The following LARP1 variants were observed in gnomAD, a reference collection of about 807,000 sequenced individuals.
The protein encoded by LARP1 is La ribonucleoprotein 1, translational regulator.
Under a neutral mutation model 122.7 loss-of-function variants are expected in LARP1, and 36 were observed. The ratio of observed to expected loss-of-function variants is 0.29; its 90% confidence interval spans 0.22 to 0.39. The LOEUF is 0.39. Among genes scored for constraint, LARP1 ranks in the 10% least tolerant of loss-of-function variants. LARP1 has a pLI of 1.00. For synonymous variants in LARP1, 539 were observed against 528.7 expected, an observed-to-expected ratio of 1.02 and a Z score of -0.27; for missense variants, 1,040 against 1,403.6, an observed-to-expected ratio of 0.74 and a Z score of 4.14.
At chr5:154,787,530 A>G (rs979166321) in intron 1 of LARP1, among the ~76,000 whole-genome samples, 4 of 152,216 alleles carry the variant, frequency 2.6e-5, no homozygotes, top group African/African-American at 9.6e-5. Flanking sequence ...GCAGGGCCTG[A>G]CAGCAGCTCA....
intron 1 of LARP1, among the ~76,000 whole-genome samples, chr5:154,779,487 ACC>A (rs1756223348): frequency 7.1e-6 from 1 of 139,892 alleles, no homozygotes; most frequent in Admixed American, 7.3e-5. Context: ...TAGGGGTCGG[ACC>A]CCCTCTACAT....
intron 1 of LARP1, among the ~76,000 whole-genome samples, chr5:154,734,832 C>T (rs1168491732): frequency 1.3e-5 from 2 of 152,172 alleles, no homozygotes; most frequent in Non-Finnish European, 2.9e-5. Flanking sequence ...CCTTTTCCCG[C>T]TCCCTCCAGG....
intron 3 of LARP1, chr5:154,792,145 C>G: frequency 2.9e-6 from 1 of 344,856 alleles, no homozygotes. Context: ...ATAAAATTCT[C>G]TTGGGGCCTA....
At chr5:154,713,607 G>T (rs1755334391) in intron 1 of LARP1, among the ~76,000 whole-genome samples, 1 of 152,092 alleles carries the variant, frequency 6.6e-6, no homozygotes, top group South Asian at 2.1e-4. Flanking sequence ...GAGCATTTGT[G>T]AGTAATTTCC....
intron 1 of LARP1, among the ~76,000 whole-genome samples, chr5:154,695,612 G>A (rs952171741): frequency 3.3e-5 from 5 of 152,068 alleles, no homozygotes; most frequent in African/African-American, 1.2e-4. Context: ...AGCCAAGATC[G>A]TGCCACTGCA....
intron 1 of LARP1, among the ~76,000 whole-genome samples, chr5:154,765,361 C>T (rs1478708227): frequency 6.6e-6 from 1 of 152,104 alleles, no homozygotes; most frequent in Non-Finnish European, 1.5e-5. Flanking sequence ...TCCCTCTTAC[C>T]CTGCTTCATT....
At chr5:154,692,736 C>G (rs1369316567) in intron 1 of LARP1, among the ~76,000 whole-genome samples, 1 of 152,126 alleles carries the variant, frequency 6.6e-6, no homozygotes, top group Admixed American at 6.6e-5. Flanking sequence ...TGCCTCCTGC[C>G]AACCTCAAAG....
chr5:154,775,622 C>T (rs1755811621), intron 1 of LARP1, among the ~76,000 whole-genome samples: 1 of 152,120 alleles, frequency 6.6e-6, no homozygotes, highest in African/African-American at 2.4e-5. Flanking sequence ...ACTGTTTTTA[C>T]TCACATCATT....
At chr5:154,724,037 T>C (rs1756050680) in intron 1 of LARP1, among the ~76,000 whole-genome samples, 1 of 152,208 alleles carries the variant, frequency 6.6e-6, no homozygotes, top group South Asian at 2.1e-4. Flanking sequence ...AGTGAGTATT[T>C]TGAATCCTGC....
At chr5:154,712,900 T>A (rs752132540) in exon 1 of LARP1, 1 of 1,598,162 alleles carries the variant, frequency 6.3e-7, no homozygotes, top group Non-Finnish European at 8.6e-7. Flanking sequence ...CAGGGCCACA[T>A]AGTGACCCCA....
At chr5:154,683,140 G>T (rs1246278559) in intron 1 of LARP1, among the ~76,000 whole-genome samples, 1 of 152,224 alleles carries the variant, frequency 6.6e-6, no homozygotes, top group African/African-American at 2.4e-5. Flanking sequence ...GGCCCGGGCC[G>T]CGGTGGGGGA....
In LARP1 at chr5:154,690,372, CTAA is replaced by C. The variant is rs200942521; in HGVS notation, c.-180+7345_-180+7347del. Among the ~76,000 whole-genome samples the C allele has an allele frequency of 6.5e-3, 989 of 152,254 alleles. 15 individuals carry two copies. Among genetic ancestry groups the C allele is most frequent in the African/African-American group, 0.022 (920 of 41,560 alleles). On this transcript the variant is annotated intron_variant, in intron 1 of 18. Transcript: ENST00000687700. ...GCACCCAACCCTACTGACTCCCGGG[CTAA>C]TAATAATAACTGGCCTTTGTCGTGC...
At chr5:154,716,368 G>A (rs747651153) in intron 1 of LARP1, among the ~76,000 whole-genome samples, 3 of 152,060 alleles carry the variant, frequency 2.0e-5, no homozygotes, top group African/African-American at 4.8e-5. Context: ...TGATCTGCCC[G>A]CCTCAGCCTC....
Position 154,799,945 on chromosome 5 carries a change from C to T in LARP1, c.1619C>T (p.Thr540Ile), listed in dbSNP as rs752635141. The change falls in exon 10 of 19, where the codon ACA becomes ATA. Residue 540 changes from threonine to isoleucine, a missense_variant. By Grantham distance (89) the Thr-to-Ile change is moderately conservative. Around this residue, in one of 8 missense-constraint regions of LARP1, gnomAD observed 362 missense variants for 533.1 expected, o/e 0.68. Coordinates refer to ENST00000518297, the MANE Select transcript of LARP1 (RefSeq NM_033551.3). ...TKTEEVSNLK[T>I]LPKGLSASLP... The stretch of plus-strand genomic sequence containing the variant: ...ACAGAGGAGGTCAGCAACCTAAAGA[C>T]ACTACCCAAGGGCCTGTCTGCCAGC... 3.7e-6 allele frequency: 6 copies of T among 1,614,210 alleles called. No individual in the cohort carries two copies. The Admixed American group carries it at 6.7e-5, about 18-fold the overall frequency.
Position 154,803,287 on chromosome 5 carries a change from C to T in LARP1, c.2110-3C>T. ...TTCCCCACTCATCTCATGACCTCTG[C>T]AGCAAGAAGTCGAGAACTTCAAAAA... On this transcript the variant is annotated splice_polypyrimidine_tract_variant and splice_region_variant and intron_variant, in intron 11 of 18. Coordinates refer to ENST00000518297, the MANE Select transcript of LARP1 (RefSeq NM_033551.3). The surrounding 1 kb of genome is among the most constrained non-coding windows in gnomAD (Gnocchi z 4.4). The T allele has an allele frequency of 6.2e-7, 1 of 1,614,186 alleles. No individual in the cohort carries two copies. Among genetic ancestry groups the T allele is most frequent in the Non-Finnish European group, 8.5e-7 (1 of 1,180,040 alleles).
chr5:154,716,717 G>A (rs1256265160), intron 1 of LARP1, among the ~76,000 whole-genome samples: 1 of 152,120 alleles, frequency 6.6e-6, no homozygotes, highest in Non-Finnish European at 1.5e-5. Context: ...CCAAAGTGTT[G>A]GGATTACAGG....
At chr5:154,799,266 C>T (rs1265458961) in intron 8 of LARP1, among the ~76,000 whole-genome samples, 1 of 152,166 alleles carries the variant, frequency 6.6e-6, no homozygotes, top group Non-Finnish European at 1.5e-5. Flanking sequence ...TCTTTTTCTA[C>T]TCTAGTTTTA....
chr5:154,786,024 C>T (rs1010896438), intron 1 of LARP1, among the ~76,000 whole-genome samples: 1 of 152,158 alleles, frequency 6.6e-6, no homozygotes, highest in Non-Finnish European at 1.5e-5. Context: ...TTGCTTCTTG[C>T]ACATAGCAAT....
rs907825867 is a variant in LARP1, at chr5:154,763,021, C to G, written c.436+6828C>G. Reference sequence around the variant, plus strand: ...TTACTGCATTTACTGAGTGTCTCACCTGTTCTAGCCCAAGTGATCTGCTGA... The same window carrying G: ...TTACTGCATTTACTGAGTGTCTCACGTGTTCTAGCCCAAGTGATCTGCTGA... On this transcript the variant is annotated intron_variant, in intron 1 of 18. Coordinates refer to ENST00000518297, the MANE Select transcript of LARP1 (RefSeq NM_033551.3). Among the ~76,000 whole-genome samples the G allele has an allele frequency of 2.7e-5, 4 of 150,048 alleles. No homozygotes were observed. The East Asian group carries it at 5.8e-4, about 22-fold the overall frequency.
Sources: allele counts gnomAD v4.1 joint callset (sites outside exome capture counted in the v4.1 genomes callset), GRCh38; gene constraint gnomAD v4.1.1; regional missense constraint gnomAD v4.1.1; non-coding constraint Gnocchi (gnomAD v3.1); transcripts MANE v1.5; gene names NCBI Gene and HGNC (gene_info 2026-07-23, HGNC 2026-07-21).